GBP1: variants seen among roughly 807,000 people sequenced by gnomAD.
GBP1 encodes guanylate-binding protein 1.
GBP1 carries 64 observed loss-of-function variants against 69.5 expected under a neutral mutation model. The ratio of observed to expected loss-of-function variants is 0.92; its 90% CI spans 0.75 to 1.13. The LOEUF (loss-of-function observed/expected upper bound fraction) is 1.13. GBP1 is among the 50% of genes most tolerant of loss of function. GBP1 has a pLI of 0.00. For missense variants in GBP1, 630 were observed against 704.1 expected, an observed-to-expected ratio of 0.89 and a Z score of 1.19; for synonymous variants, 250 against 261.2, an observed-to-expected ratio of 0.96 and a Z score of 0.41.
In GBP1 at chr1:89,054,697, G is replaced by T. The variant is rs200730086; in HGVS notation, c.1650C>A (p.Leu550=). ...VQLLKEQERT[L]ALKLQEQEQL... is the part of the protein sequence containing the mutation. ...AATTAGATACCTGAAGTTTAAGAGC[G>T]AGGGTCCTCTCTTGCTCTTTCAGCA... is the stretch of plus-strand genomic sequence containing the variant. Residue 550 remains leucine, a synonymous_variant, in exon 10 of 11, where the codon CTC becomes CTA. Coordinates refer to ENST00000370473, the MANE Select transcript of GBP1 (RefSeq NM_002053.3). 7.3e-5 allele frequency: 118 copies of T among 1,613,672 alleles called. No homozygotes were observed. The Middle Eastern group carries it at 1.8e-3, about 25-fold the overall frequency.
At chr1:89,064,147 A>C (rs985261092) in intron 1 of GBP1, among the ~76,000 whole-genome samples, 3 of 151,610 alleles carry the variant, frequency 2.0e-5, no homozygotes, top group Non-Finnish European at 4.4e-5. Context: ...GGAGAAAGAG[A>C]AATAGAAAGA....
chr1:89,054,185 T>C (rs1486033761), intron 10 of GBP1, among the ~76,000 whole-genome samples: 1 of 152,116 alleles, frequency 6.6e-6, no homozygotes, highest in Non-Finnish European at 1.5e-5. Context: ...CTGCAAGCTC[T>C]GCCTCCTGGG....
At position 89,056,032 on chromosome 1, in the gene GBP1, G is replaced by A. The variant is rs142020556; in HGVS notation, c.1352C>T (p.Pro451Leu). 188 of 1,613,682 alleles carry A rather than the reference G, an allele frequency of 1.2e-4. No individual in the cohort carries two copies. The highest frequency in any genetic ancestry group is 1.4e-4 in the Non-Finnish European group (167 of 1,179,838). The change falls in exon 8 of 11, where the codon CCG becomes CTG. Residue 451 changes from proline (P) to leucine (L), a missense_variant. This residue lies in a region of GBP1 where 367 missense variants were observed against 369.5 expected (regional missense o/e 0.99). Coordinates refer to ENST00000370473, the MANE Select transcript of GBP1 (RefSeq NM_002053.3). ...QDLKKKYYEE[P>L]RKGIQAEEIL... ...CTTGGTTACCTGTATCCCCTTCCTCGGTTCCTCATAGTACTTTTTCTTCAG... is the reference window on the plus strand; with the variant it reads ...CTTGGTTACCTGTATCCCCTTCCTCAGTTCCTCATAGTACTTTTTCTTCAG...
intron 2 of GBP1, 75 bp downstream of exon 2, chr1:89,062,970 T>G: frequency 6.4e-7 from 1 of 1,564,386 alleles, no homozygotes; most frequent in South Asian, 1.1e-5. Flanking sequence ...CTTTCTCTCC[T>G]CACATCTTCA....
rs374613628 is a variant in GBP1, at chr1:89,056,899, C to T, written c.1110G>A (p.Arg370=). 192 of 1,614,118 alleles carry T rather than the reference C, an allele frequency of 1.2e-4. No individual in the cohort carries two copies. The highest frequency in any genetic ancestry group is 1.5e-4 in the Admixed American group (9 of 60,006). Residue 370 remains arginine, a synonymous_variant, in exon 7 of 11, where the codon AGG becomes AGA. Coordinates refer to ENST00000370473, the MANE Select transcript of GBP1 (RefSeq NM_002053.3). ...SEREAIEVFI[R]SSFKDVDHLF... The stretch of plus-strand genomic sequence containing the variant: ...GATGGTCCACATCTTTGAAGGAACT[C>T]CTGATGAAGACTTCAATGGCCTCTC...
chr1:89,057,518 T>C (rs991886926), intron 6 of GBP1, among the ~76,000 whole-genome samples: 3 of 152,234 alleles, frequency 2.0e-5, no homozygotes, highest in African/African-American at 7.2e-5. Context: ...ATGAAACAAA[T>C]GACACTATTC....
Position 89,058,937 on chromosome 1 carries a change from C to T in GBP1, c.535G>A (p.Val179Met), listed in dbSNP as rs1232785090. ...ADFVSFFPDFVWTLRDFSLDL... is the reference protein window; with the variant it reads ...ADFVSFFPDFMWTLRDFSLDL... ...AGGGAGAAATCTCTCAGTGTCCACACAAAGTCTGGGAAGAAGCTCACAAAG... is the reference window on the plus strand; with the variant it reads ...AGGGAGAAATCTCTCAGTGTCCACATAAAGTCTGGGAAGAAGCTCACAAAG... Residue 179 changes from valine (V) to methionine (M), a missense_variant, in exon 5 of 11, where the codon GTG (valine) becomes ATG (methionine). Physicochemically the swap from Val to Met is conservative, Grantham distance 21. This residue lies in a region of GBP1 where 367 missense variants were observed against 369.5 expected (regional missense o/e 0.99). Transcript: ENST00000370473. 6.2e-7 allele frequency: 1 copy of T among 1,614,096 alleles called. No individual in the cohort carries two copies. Among genetic ancestry groups the T allele is most frequent in the Non-Finnish European group, 8.5e-7 (1 of 1,180,050 alleles).
rs1570935269 is a variant in GBP1 at position 89,054,759 on chromosome 1, G to A, written c.1588C>T (p.Gln530Ter). Residue 530 changes from glutamine (Q) to a stop codon, truncating the protein, a stop_gained, in exon 10 of 11, where the codon CAA (glutamine) becomes TAA (stop). Transcript: ENST00000370473. LOFTEE classifies it high-confidence loss of function. Reference sequence around the variant, plus strand: ...TCGTTCTCCATCTTCTCAGTCAGTTGTTTCAAGTGTTCCTGATAACTCCTC... The same window carrying A: ...TCGTTCTCCATCTTCTCAGTCAGTTATTTCAAGTGTTCCTGATAACTCCTC... ...KERSYQEHLK[Q>*]LTEKMENDRV... 1.9e-6 allele frequency: 3 copies of A among 1,614,210 alleles called. No homozygotes were observed. The highest frequency in any genetic ancestry group is 2.5e-6 in the Non-Finnish European group (3 of 1,180,006).
intron 3 of GBP1, among the ~76,000 whole-genome samples, chr1:89,059,882 G>T (rs189251571): frequency 6.6e-6 from 1 of 151,964 alleles, no homozygotes; most frequent in Non-Finnish European, 1.5e-5. Context: ...ATACTATATG[G>T]CCAACATAGG....
chr1:89,058,477 T>C (rs1680101558), intron 5 of GBP1: 1 of 526,676 alleles, frequency 1.9e-6, no homozygotes, highest in Admixed American at 3.6e-5. Context: ...TCTTGGGCTG[T>C]AGTTTGCCAA....
At position 89,056,800 on chromosome 1, in the gene GBP1, GT is replaced by G. The variant is rs1407155001; in HGVS notation, c.1155+53del. The G allele has an allele frequency of 6.5e-6, 10 of 1,543,116 alleles. No individual in the cohort carries two copies. The African/African-American group carries it at 1.2e-4, about 19-fold the overall frequency. On this transcript the variant is annotated intron_variant, in intron 7 of 10. Coordinates refer to ENST00000370473, the MANE Select transcript of GBP1 (RefSeq NM_002053.3). ...AAATAAATAATAGTTTTCTTTCCTT[GT>G]GGTACTTTAGCTTCTATGACCCTAA...
chr1:89,055,779 A>G, intron 8 of GBP1: 2 of 588,468 alleles, frequency 3.4e-6, no homozygotes, highest in Non-Finnish European at 6.0e-6. Context: ...GACAATAATA[A>G]CTTTGTGCTT....
rs1005134972 is a variant in GBP1, at chr1:89,060,286, C to T, written c.229G>A (p.Gly77Arg). 6.2e-7 allele frequency: 1 copy of T among 1,602,434 alleles called. No homozygotes were observed. Among genetic ancestry groups the T allele is most frequent in the Admixed American group, 1.7e-5 (1 of 57,684 alleles). The change falls in exon 3 of 11, where the codon GGA becomes AGA. Residue 77 changes from glycine to arginine, a missense_variant. By Grantham distance (125) the Gly-to-Arg change is moderately radical. This residue lies in a region of GBP1 where 131 missense variants were observed against 138.5 expected (regional missense o/e 0.95). Transcript: ENST00000370473. ...TGGGGCACACACCACATCCAGATTCCTTTAGTGTGAGACTGCACCGTGGAG... is the reference window on the plus strand; with the variant it reads ...TGGGGCACACACCACATCCAGATTCTTTTAGTGTGAGACTGCACCGTGGAG... ...LGSTVQSHTK[G>R]IWMWCVPHPK...
At chr1:89,054,335 C>T (rs1204894709) in intron 10 of GBP1, among the ~76,000 whole-genome samples, 3 of 152,120 alleles carry the variant, frequency 2.0e-5, no homozygotes, top group South Asian at 2.1e-4. Flanking sequence ...CTCCTGACCT[C>T]GTGATCCGCC....
In GBP1 at chr1:89,054,861, C is replaced by T. The variant is rs775850013; in HGVS notation, c.1486G>A (p.Ala496Thr). The T allele has an allele frequency of 5.0e-6, 8 of 1,613,336 alleles. No individual in the cohort carries two copies. In the African/African-American group the frequency reaches 6.7e-5, roughly 13 times the overall value. ...TTTGCTGAAGCCTGTGCAGACTCAG[C>T]TTTCACACGTTCCACTGAGGAGGAA... ...EKEIEVERVK[A>T]ESAQASAKML... Residue 496 changes from alanine to threonine, a missense_variant, in exon 10 of 11, where the codon GCT (alanine) becomes ACT (threonine). Physicochemically the swap from Ala to Thr is moderately conservative, Grantham distance 58. Around this residue, in one of 5 missense-constraint regions of GBP1, gnomAD observed 35 missense variants for 68.6 expected, o/e 0.51. Transcript: ENST00000370473.
chr1:89,057,215 C>A, intron 6 of GBP1, 81 bp from the exon 7 acceptor site: 3 of 1,563,768 alleles, frequency 1.9e-6, no homozygotes, highest in Non-Finnish European at 2.6e-6. Context: ...TGTCAAATAC[C>A]ACCTATTTTC....
chr1:89,055,302 T>C, intron 8 of GBP1, 87 bp from the exon 9 acceptor site: 1 of 1,582,330 alleles, frequency 6.3e-7, no homozygotes, highest in Non-Finnish European at 8.6e-7. Context: ...CTTTCTCCTC[T>C]GGGAATTCTT....
chr1:89,063,248 C>T lies in GBP1; in HGVS notation c.-14G>A. On this transcript the variant is annotated 5_prime_UTR_variant, in exon 2 of 11. Coordinates refer to ENST00000370473, the MANE Select transcript of GBP1 (RefSeq NM_002053.3). ...CTCTGATGCCATGTCCAGGCTGTTC[C>T]CTTGTCTGCAAGAGAAGAGGTGAAA... 6.2e-7 allele frequency: 1 copy of T among 1,611,430 alleles called. No homozygotes were observed. Among genetic ancestry groups the T allele is most frequent in the Non-Finnish European group, 8.5e-7 (1 of 1,177,984 alleles).
chr1:89,055,041 A>G (rs1680009378), intron 9 of GBP1, 72 bp downstream of exon 9: 1 of 1,495,838 alleles, frequency 6.7e-7, no homozygotes, highest in Non-Finnish European at 9.1e-7. Context: ...AAAGGGTCCC[A>G]TGTTTATCCA....
Sources: allele counts gnomAD v4.1 joint callset (sites outside exome capture counted in the v4.1 genomes callset), GRCh38; gene constraint gnomAD v4.1.1; regional missense constraint gnomAD v4.1.1; transcripts MANE v1.5; gene names NCBI Gene and HGNC (gene_info 2026-07-23, HGNC 2026-07-21).